The following ABCA4 variants were observed in gnomAD, a reference collection of about 807,000 sequenced individuals.
ABCA4 encodes the protein retinal-specific phospholipid-transporting ATPase ABCA4.
Under a neutral mutation model 263.7 loss-of-function variants are expected in ABCA4, and 196 were observed. The ratio of observed to expected loss-of-function variants is 0.74; its 90% CI spans 0.66 to 0.84. The LOEUF is 0.84. Among genes scored for constraint, ABCA4 ranks in the 40% least tolerant of loss-of-function variants. The pLI is 0.00. For missense variants in ABCA4, 2,792 were observed against 2,855.1 expected (o/e 0.98, Z 0.50); for synonymous variants, 1,133 against 1,094.2 (o/e 1.04, Z -0.70).
At chr1:94,002,282 G>A (rs1312230992) in intron 44 of ABCA4, among the ~76,000 whole-genome samples, 1 of 152,202 alleles carries the variant, frequency 6.6e-6, no homozygotes, top group African/African-American at 2.4e-5. Context: ...AGTGGGTCTC[G>A]CCCAGCGTCC....
At position 94,023,391 on chromosome 1, in the gene ABCA4, T is replaced by C; in HGVS notation, c.4662A>G (p.Glu1554=). The C allele has an allele frequency of 2.5e-6, 4 of 1,608,462 alleles. No individual in the cohort carries two copies. Among genetic ancestry groups the C allele is most frequent in the Non-Finnish European group, 3.4e-6 (4 of 1,175,048 alleles). The change falls in exon 32 of 50, where the codon GAA becomes GAG. Residue 1554 remains glutamate (E), a synonymous_variant. Transcript: ENST00000370225. ...TGATAAAAATAGTTTCTTACCTCTG[T>C]TCATTGACCCAGAATTTGCTCTTTA... The part of the protein sequence containing the change: ...SSLKSKFWVN[E]QRYGGISIGG...
rs878853396 is a variant in ABCA4, at chr1:94,062,641, G to A, written c.1873C>T (p.Gln625Ter). 6.2e-7 allele frequency: 1 copy of A among 1,614,196 alleles called. No individual in the cohort carries two copies. Among genetic ancestry groups the A allele is most frequent in the South Asian group, 1.1e-5 (1 of 91,084 alleles). The change falls in exon 13 of 50, where the codon CAG becomes TAG. Residue 625 changes from glutamine to a stop codon, truncating the protein, a stop_gained. Coordinates refer to ENST00000370225, the MANE Select transcript of ABCA4 (RefSeq NM_000350.3). LOFTEE classifies it high-confidence loss of function. ...TAGATTCCAACTGGAGCCTCCGCCT[G>A]CACCTGGCTCCTTGTGATCCCCTGT... Reference protein sequence around the residue: ...VEQGITRSQVQAEAPVGIYLQ... With the variant: ...VEQGITRSQV
At chr1:94,030,883 T>C in intron 28 of ABCA4, 113 bp downstream of exon 28, 1 of 1,488,210 alleles carries the variant, frequency 6.7e-7, no homozygotes, top group South Asian at 1.2e-5. Context: ...ACCCCTCCCC[T>C]CTCTCATTGG....
chr1:94,096,361 C>G (rs1395160941), intron 6 of ABCA4, among the ~76,000 whole-genome samples: 2 of 152,178 alleles, frequency 1.3e-5, no homozygotes, highest in East Asian at 3.8e-4. Flanking sequence ...GGCTGCACTG[C>G]TGTGAAATGT....
At chr1:93,993,353 G>A in intron 49 of ABCA4, 111 bp from the exon 50 acceptor site, 3 of 1,378,986 alleles carry the variant, frequency 2.2e-6, no homozygotes, top group Non-Finnish European at 3.1e-6. Context: ...AGGGCACTCA[G>A]CTGAGGGCAC....
chr1:94,034,434 T>C (rs904532579), intron 26 of ABCA4, among the ~76,000 whole-genome samples: 3 of 152,098 alleles, frequency 2.0e-5, no homozygotes, highest in Non-Finnish European at 1.5e-5. Flanking sequence ...GCAGTAACAG[T>C]AGTAACTGCT....
At chr1:94,010,526 C>T (rs977908992) in intron 40 of ABCA4, 2 of 553,408 alleles carry the variant, frequency 3.6e-6, no homozygotes, top group Admixed American at 5.3e-5. Flanking sequence ...TCAAAATACA[C>T]ATTTGGTAAT....
intron 49 of ABCA4, 144 bp downstream of exon 49, chr1:93,995,965 G>T: frequency 1.4e-6 from 1 of 691,796 alleles, no homozygotes; most frequent in Non-Finnish European, 2.6e-6. Context: ...GGATGTGGTG[G>T]GGACTTGGTA....
intron 24 of ABCA4, among the ~76,000 whole-genome samples, chr1:94,038,660 G>A (rs1260059723): frequency 6.6e-6 from 1 of 152,142 alleles, no homozygotes; most frequent in Non-Finnish European, 1.5e-5. Flanking sequence ...CTCTCCAGGG[G>A]TCATATTCAT....
intron 48 of ABCA4, 112 bp from the exon 49 acceptor site, chr1:93,996,307 G>T: frequency 1.2e-6 from 1 of 849,734 alleles, no homozygotes; most frequent in Non-Finnish European, 1.9e-6. Flanking sequence ...AGCCCTGCTG[G>T]TATGGCTTGT....
intron 1 of ABCA4, 92 bp downstream of exon 1, chr1:94,120,888 C>T: frequency 5.3e-6 from 2 of 375,262 alleles, no homozygotes; most frequent in Non-Finnish European, 1.1e-5. Context: ...CCCCACCCTG[C>T]CCCACCACCC....
At chr1:94,031,225 C>T (rs1415369012) in intron 27 of ABCA4, 105 bp from the exon 28 acceptor site, 2 of 1,471,680 alleles carry the variant, frequency 1.4e-6, no homozygotes, top group Non-Finnish European at 1.9e-6. Flanking sequence ...CTGCAGCCTC[C>T]TAATCAGCCC....
rs372425513 is a variant in ABCA4, at chr1:94,031,886, T to C, written c.4020A>G (p.Pro1340=). The change falls in exon 27 of 50, where the codon CCA becomes CCG. Residue 1340 remains proline (P), a synonymous_variant. Transcript: ENST00000370225. ...GTGTCCCCGTGTTGAGCTGCGGGCC[T>C]GGGCACTCTGGCTCTGGGGGAGGCT... ...EGQPPPEPEC[P]GPQLNTGTQL... is the part of the protein sequence containing the mutation. 22 of 1,614,174 alleles carry C rather than the reference T, an allele frequency of 1.4e-5. No individual in the cohort carries two copies. The African/African-American group carries it at 2.0e-4, about 15-fold the overall frequency.
chr1:94,111,498 CAG>C lies in ABCA4; in HGVS notation c.240_241del (p.Cys81PhefsTer17). 1 of 1,614,182 alleles carries C rather than the reference CAG, an allele frequency of 6.2e-7. No individual in the cohort carries two copies. Among genetic ancestry groups the C allele is most frequent in the Non-Finnish European group, 8.5e-7 (1 of 1,180,010 alleles). ...TTCTCCTGGGGTGGGGCTTTGAAAACAGGGATTGTTCACATTGCAGAAGATCC... is the reference window on the plus strand; with the variant it reads ...TTCTCCTGGGGTGGGGCTTTGAAAACGGATTGTTCACATTGCAGAAGATCC... On this transcript the variant is annotated frameshift_variant, in exon 3 of 50. Coordinates refer to ENST00000370225, the MANE Select transcript of ABCA4 (RefSeq NM_000350.3). LOFTEE classifies it high-confidence loss of function.
rs2101135772 is a variant in ABCA4, at chr1:94,098,897, G to A, written c.665C>T (p.Ala222Val). 1.3e-5 allele frequency: 21 copies of A among 1,614,034 alleles called. No homozygotes were observed. The highest frequency in any genetic ancestry group is 1.7e-5 in the Non-Finnish European group (20 of 1,180,034). Reference protein sequence around the residue: ...RFIIFSQRRGAKTVRYALCSL... With the variant: ...RFIIFSQRRGVKTVRYALCSL... Reference sequence around the variant, plus strand: ...GCACAGGGCATAGCGCACCGTCTTTGCCCCGCGTCTCTGGCTGAAGATGAT... The same window carrying A: ...GCACAGGGCATAGCGCACCGTCTTTACCCCGCGTCTCTGGCTGAAGATGAT... The change falls in exon 6 of 50, where the codon GCA (alanine) becomes GTA (valine). Residue 222 changes from alanine (A) to valine (V), a missense_variant. Coordinates refer to ENST00000370225, the MANE Select transcript of ABCA4 (RefSeq NM_000350.3).
In ABCA4 at chr1:94,021,552, G is replaced by A. The variant is rs193036367; in HGVS notation, c.4848+88C>T. The stretch of plus-strand genomic sequence containing the variant: ...CTAGATTTCAGCAGGAGGAGGGATG[G>A]AATTTAATGAAGGTAGGAAAGTAAA... On this transcript the variant is annotated intron_variant, in intron 34 of 49. Transcript: ENST00000370225. 1,030 of 1,498,326 alleles carry A rather than the reference G, an allele frequency of 6.9e-4. 3 individuals are homozygous for A. The highest frequency in any genetic ancestry group is 1.1e-3 in the South Asian group (93 of 87,016). The allele number at this position is 1,498,326 out of a possible 1,614,324, so 92.8% of individuals were successfully genotyped here.
Position 94,019,342 on chromosome 1 carries a change from G to A in ABCA4, c.5196+240C>T. Reference sequence around the variant, plus strand: ...GACCCCTCAGTGCAGGACATAGAGAGCCCCCGTTCACCAGTTGTTAAGCTG... The same window carrying A: ...GACCCCTCAGTGCAGGACATAGAGAACCCCCGTTCACCAGTTGTTAAGCTG... On this transcript the variant is annotated intron_variant, in intron 36 of 49. Coordinates refer to ENST00000370225, the MANE Select transcript of ABCA4 (RefSeq NM_000350.3). 5.8e-6 allele frequency: 3 copies of A among 518,114 alleles called. 1 individual carries two copies. In the South Asian group the frequency reaches 6.3e-5, roughly 11 times the overall value. The allele number at this position is 518,114 out of a possible 1,614,324, so 32.1% of individuals were successfully genotyped here. A position where few individuals can be genotyped will look rare whatever the true frequency, so the allele number is the denominator to read the frequency against.
chr1:94,029,458 A>T lies in ABCA4; in HGVS notation c.4526T>A (p.Leu1509His). 1 of 1,555,176 alleles carries T rather than the reference A, an allele frequency of 6.4e-7. No homozygotes were observed. Among genetic ancestry groups the T allele is most frequent in the Non-Finnish European group, 8.7e-7 (1 of 1,148,816 alleles). ...GAGGTCAGGTACCTGGGGGGGCGGGAGGCCCCCGGCACCCTCGGGGCACTC... is the reference window on the plus strand; with the variant it reads ...GAGGTCAGGTACCTGGGGGGGCGGGTGGCCCCCGGCACCCTCGGGGCACTC... ...LPECPEGAGG[L>H]PPPQRTQRST... The change falls in exon 30 of 50, where the codon CTC (leucine) becomes CAC (histidine). Residue 1509 changes from leucine to histidine, a missense_variant. Leu to His is a moderately conservative substitution (Grantham distance 99). Coordinates refer to ENST00000370225, the MANE Select transcript of ABCA4 (RefSeq NM_000350.3).
chr1:94,030,387 G>A (rs773248208), intron 29 of ABCA4, 41 bp downstream of exon 29: 12 of 1,590,810 alleles, frequency 7.5e-6, no homozygotes, highest in Non-Finnish European at 1.0e-5. Context: ...GTCCTCCCAG[G>A]GGAGCTAGTC....
Sources: allele counts gnomAD v4.1 joint callset (sites outside exome capture counted in the v4.1 genomes callset), GRCh38; gene constraint gnomAD v4.1.1; transcripts MANE v1.5; gene names NCBI Gene and HGNC (gene_info 2026-07-23, HGNC 2026-07-21).